The following SCARA5 variants were observed in gnomAD, a reference collection of about 807,000 sequenced individuals.
SCARA5 encodes scavenger receptor class A, member 5 (putative).
SCARA5 carries 45 observed loss-of-function variants against 46.3 expected under a neutral mutation model. The ratio of observed to expected loss-of-function variants is 0.97; its 90% confidence interval spans 0.76 to 1.24. SCARA5 has a LOEUF of 1.24. SCARA5 is among the 50% of genes most tolerant of loss of function. SCARA5 has a pLI of 0.00. For missense variants in SCARA5, 680 were observed against 689.0 expected (o/e 0.99, Z 0.15); for synonymous variants, 333 against 306.5 (o/e 1.09, Z -0.90).
Position 27,909,645 on chromosome 8 carries a change from C to T in SCARA5, c.997+18G>A, listed in dbSNP as rs1471336014. 4.6e-6 allele frequency: 7 copies of T among 1,517,676 alleles called. No homozygotes were observed. In the Admixed American group the frequency reaches 1.4e-4, roughly 30 times the overall value. The allele number at this position is 1,517,676 out of a possible 1,614,324, so 94.0% of individuals were successfully genotyped here. On this transcript the variant is annotated intron_variant, in intron 5 of 8. Transcript: ENST00000354914. The stretch of plus-strand genomic sequence containing the variant: ...TTGGGGATCTCTCCCAGGTACCACC[C>T]AGGGGCACGCTCATTACCTCGAAGT...
intron 3 of SCARA5, among the ~76,000 whole-genome samples, chr8:27,947,151 A>G (rs1346077666): frequency 6.6e-6 from 1 of 151,984 alleles, no homozygotes; most frequent in Non-Finnish European, 1.5e-5. Flanking sequence ...AGCTGGGACT[A>G]TAGGTATGCA....
At chr8:27,992,034 C>T (rs1168333095) in intron 1 of SCARA5, among the ~76,000 whole-genome samples, 1 of 152,202 alleles carries the variant, frequency 6.6e-6, no homozygotes, top group Non-Finnish European at 1.5e-5. Flanking sequence ...ACCCCAAATG[C>T]AGGCTCACAT....
At chr8:27,874,603 G>C (rs1253382354) in intron 8 of SCARA5, among the ~76,000 whole-genome samples, 1 of 152,220 alleles carries the variant, frequency 6.6e-6, no homozygotes, top group African/African-American at 2.4e-5. Flanking sequence ...AAAGCTTAAA[G>C]TATTTGCTAT....
intron 2 of SCARA5, among the ~76,000 whole-genome samples, chr8:27,986,473 C>T (rs989644920): frequency 2.0e-5 from 3 of 152,094 alleles, no homozygotes; most frequent in African/African-American, 7.2e-5. Flanking sequence ...CTCACCCTGG[C>T]CTGACACGTC....
chr8:27,984,172 T>C (rs1051660642), intron 2 of SCARA5, among the ~76,000 whole-genome samples: 1 of 151,998 alleles, frequency 6.6e-6, no homozygotes, highest in African/African-American at 2.4e-5. Context: ...GGATCAAAGA[T>C]GCAGCAAAAC....
rs544268938 is a variant in SCARA5 at position 27,914,726 on chromosome 8, A to G, written c.917-4983T>C. ...GCCAGGGCATGGAGGTGGCTGGGACAAGGAGGAGCAGGGTCCTGGGGTCCC... is the reference window on the plus strand; with the variant it reads ...GCCAGGGCATGGAGGTGGCTGGGACGAGGAGGAGCAGGGTCCTGGGGTCCC... On this transcript the variant is annotated intron_variant, in intron 4 of 8. Coordinates refer to ENST00000354914, the MANE Select transcript of SCARA5 (RefSeq NM_173833.6). Among the ~76,000 whole-genome samples, 118 of 152,272 alleles carry G rather than the reference A, an allele frequency of 7.7e-4. 2 individuals are homozygous for G. The highest frequency in any genetic ancestry group is 2.5e-3 in the African/African-American group (104 of 41,546).
intron 2 of SCARA5, among the ~76,000 whole-genome samples, chr8:27,987,020 T>C (rs1461577460): frequency 6.6e-6 from 1 of 152,224 alleles, no homozygotes; most frequent in Non-Finnish European, 1.5e-5. Flanking sequence ...TCTGGGTCAC[T>C]GGCCTGGGGA....
At chr8:27,966,389 C>T in intron 3 of SCARA5, 25 bp downstream of exon 3, 1 of 1,578,190 alleles carries the variant, frequency 6.3e-7, no homozygotes, top group Non-Finnish European at 8.6e-7. Flanking sequence ...CCCAAAAGAC[C>T]AGGACAAAAA....
intron 2 of SCARA5, among the ~76,000 whole-genome samples, chr8:27,980,298 T>C (rs1269142225): frequency 1.3e-5 from 2 of 152,096 alleles, no homozygotes; most frequent in Non-Finnish European, 2.9e-5. Context: ...GGGGATGCCA[T>C]AAGGAATAAC....
chr8:27,900,787 G>A (rs886736516), intron 7 of SCARA5, among the ~76,000 whole-genome samples: 5 of 135,652 alleles, frequency 3.7e-5, no homozygotes, highest in African/African-American at 6.0e-5. Flanking sequence ...TATACGTAGC[G>A]GGTTTTTTTT....
At chr8:27,979,227 T>C (rs1320364850) in intron 2 of SCARA5, among the ~76,000 whole-genome samples, 1 of 152,176 alleles carries the variant, frequency 6.6e-6, no homozygotes, top group Non-Finnish European at 1.5e-5. Flanking sequence ...TTCTTCACTC[T>C]AGGTTTCCTA....
At chr8:27,948,261 G>A (rs1022813842) in intron 3 of SCARA5, among the ~76,000 whole-genome samples, 3 of 151,930 alleles carry the variant, frequency 2.0e-5, no homozygotes, top group South Asian at 2.1e-4. Flanking sequence ...GGGTGAGGGC[G>A]GTGACTTAGG....
rs1806616001 is a variant in SCARA5 at position 27,870,270 on chromosome 8, T to TC, written c.*1663_*1664insG. On this transcript the variant is annotated 3_prime_UTR_variant, in exon 9 of 9. Transcript: ENST00000354914. ...GCAAACCTTGCAATGTGCTGAGCTATGTAGTAAAAAGTGCTATGTTTATAT... is the reference window on the plus strand; with the variant it reads ...GCAAACCTTGCAATGTGCTGAGCTATCGTAGTAAAAAGTGCTATGTTTATAT... The TC allele has an allele frequency of 6.6e-6, 1 of 151,522 alleles. No homozygotes were observed. The highest frequency in any genetic ancestry group is 2.4e-5 in the African/African-American group (1 of 41,082). The allele number at this position is 151,522 out of a possible 1,614,324, so 9.4% of individuals were successfully genotyped here. A position where few individuals can be genotyped will look rare whatever the true frequency, so the allele number is the denominator to read the frequency against.
At chr8:27,931,615 G>T (rs1807774053) in intron 3 of SCARA5, among the ~76,000 whole-genome samples, 1 of 152,148 alleles carries the variant, frequency 6.6e-6, no homozygotes, top group Non-Finnish European at 1.5e-5. Flanking sequence ...GACCATGGCA[G>T]CAAGGAAACA....
At chr8:27,916,397 G>A (rs1807461333) in intron 4 of SCARA5, among the ~76,000 whole-genome samples, 2 of 134,776 alleles carry the variant, frequency 1.5e-5, no homozygotes, top group Admixed American at 1.5e-4. Flanking sequence ...ATGTGCATAT[G>A]TATACGTATA....
intron 7 of SCARA5, among the ~76,000 whole-genome samples, chr8:27,898,649 T>C (rs1430479150): frequency 1.3e-5 from 2 of 152,198 alleles, no homozygotes; most frequent in East Asian, 3.9e-4. Context: ...GGAGCATCTT[T>C]TTAAAATTCA....
chr8:27,908,998 A>T (rs1230041446), intron 5 of SCARA5: 1 of 152,220 alleles, frequency 6.6e-6, no homozygotes, highest in Non-Finnish European at 1.5e-5. Context: ...AGAAGACAAC[A>T]GTCTCCCAGC....
intron 7 of SCARA5, among the ~76,000 whole-genome samples, chr8:27,898,872 C>A (rs1414443740): frequency 1.5e-5 from 2 of 132,550 alleles, no homozygotes; most frequent in Non-Finnish European, 3.2e-5. Flanking sequence ...CCCAAAAGGA[C>A]AGGGTTCAGA....
intron 5 of SCARA5, chr8:27,908,985 C>T (rs1306912543): frequency 2.6e-5 from 4 of 152,164 alleles, no homozygotes; most frequent in Non-Finnish European, 5.9e-5. Context: ...TCTTCCATCA[C>T]TTAGAAGACA....
Sources: gnomAD v4.1 joint callset for allele counts (sites outside exome capture counted in the v4.1 genomes callset) on GRCh38, gnomAD v4.1.1 for gene constraint, MANE v1.5 for transcripts, NCBI Gene and HGNC (gene_info 2026-07-23, HGNC 2026-07-21) for gene names.